HSD17B11: variants seen among roughly 807,000 people sequenced by gnomAD.
HSD17B11 encodes the protein hydroxysteroid 17-beta dehydrogenase 11, also known as estradiol 17-beta-dehydrogenase 11.
HSD17B11 carries 22 observed loss-of-function variants against 27.8 expected under a neutral mutation model. The ratio of observed to expected loss-of-function variants is 0.79; its 90% CI spans 0.56 to 1.13. The LOEUF (loss-of-function observed/expected upper bound fraction) is 1.13, where lower values mean the gene tolerates loss of function less well. HSD17B11 is among the 50% of genes most tolerant of loss of function. The probability of loss-of-function intolerance (pLI) is 0.00; values close to 1 mark genes in which losing one functional copy is unlikely to be tolerated. For synonymous variants in HSD17B11, 117 were observed against 132.8 expected, an observed-to-expected ratio of 0.88 and a Z score of 0.82; for missense variants, 314 against 351.1, an observed-to-expected ratio of 0.89 and a Z score of 0.84.
rs144125961 is a variant in HSD17B11, at chr4:87,353,269, T to C, written c.695+4010A>G. ...AGGGGGATTACTGGGCCAAAGGGTA[T>C]ATAACTTGTAATTTAATTTCTCTAA... is the stretch of plus-strand genomic sequence containing the variant. On this transcript the variant is annotated intron_variant, in intron 5 of 6. Transcript: ENST00000358290. 3.2e-3 allele frequency among the ~76,000 whole-genome samples: 490 copies of C among 152,310 alleles called. 2 individuals carry two copies. Among genetic ancestry groups the C allele is most frequent in the African/African-American group, 0.011 (452 of 41,566 alleles).
intron 4 of HSD17B11, among the ~76,000 whole-genome samples, chr4:87,359,851 C>CT (rs1201493984): frequency 6.6e-6 from 1 of 152,088 alleles, no homozygotes; most frequent in African/African-American, 2.4e-5. Flanking sequence ...ATATTCTAAA[C>CT]TTTATTAACT....
chr4:87,390,963 G>C lies in HSD17B11; in HGVS notation c.108C>G (p.Gly36=), dbSNP rs201364421. 1.4e-5 allele frequency: 23 copies of C among 1,613,880 alleles called. No individual in the cohort carries two copies. Among genetic ancestry groups the C allele is most frequent in the Non-Finnish European group, 1.9e-5 (22 of 1,179,948 alleles). The change falls in exon 1 of 7, where the codon GGC becomes GGG. Residue 36 remains glycine (G), a synonymous_variant. Coordinates refer to ENST00000358290, the MANE Select transcript of HSD17B11 (RefSeq NM_016245.5). The part of the protein sequence containing the change: ...FIPKRRKSVT[G]EIVLITGAGH... ...CAGCTCCTGTAATCAGCACGATTTC[G>C]CCGGTGACTGATTTTCTCCTCTTAG...
intron 2 of HSD17B11, among the ~76,000 whole-genome samples, chr4:87,377,379 G>C (rs947637715): frequency 2.6e-5 from 4 of 152,064 alleles, no homozygotes; most frequent in Non-Finnish European, 5.9e-5. Context: ...GAACCCGGGA[G>C]GCGGAGGTTG....
At position 87,372,779 on chromosome 4, in the gene HSD17B11, T is replaced by C. The variant is rs1168829920; in HGVS notation, c.487A>G (p.Asn163Asp). 7 of 1,613,766 alleles carry C rather than the reference T, an allele frequency of 4.3e-6. No individual in the cohort carries two copies. The highest frequency in any genetic ancestry group is 5.9e-6 in the Non-Finnish European group (7 of 1,179,756). Reference protein sequence around the residue: ...KAFLPAMTKNNHGHIVTVASA... With the variant: ...KAFLPAMTKNDHGHIVTVASA... ...GCCACAGTGACAATATGGCCATGGT[T>C]ATTCTTCGTCATTGCAGGAAGAAAT... The change falls in exon 4 of 7, where the codon AAC becomes GAC. Residue 163 changes from asparagine (N) to aspartate (D), a missense_variant. Physicochemically the swap from Asn to Asp is conservative, Grantham distance 23. Coordinates refer to ENST00000358290, the MANE Select transcript of HSD17B11 (RefSeq NM_016245.5).
intron 2 of HSD17B11, among the ~76,000 whole-genome samples, chr4:87,376,183 C>A (rs542201996): frequency 3.9e-5 from 6 of 152,108 alleles, no homozygotes; most frequent in Admixed American, 1.3e-4. Context: ...CTCTTCTTGA[C>A]CTGCTCAGGT....
rs1341083363 is a variant in HSD17B11, at chr4:87,340,236, C to T, written c.812+254G>A. 1.8e-5 allele frequency: 4 copies of T among 223,732 alleles called. No homozygotes were observed. In the East Asian group the frequency reaches 4.4e-4, roughly 24 times the overall value. The allele number at this position is 223,732 out of a possible 1,614,324, so 13.9% of individuals were successfully genotyped here. A position where few individuals can be genotyped will look rare whatever the true frequency, so the allele number is the denominator to read the frequency against. ...AAAACTATCCTTCTTCAGAGTCATT[C>T]ATTTATAAGACAAGACTTGCAGAAA... On this transcript the variant is annotated intron_variant, in intron 6 of 6. Transcript: ENST00000358290.
intron 4 of HSD17B11, among the ~76,000 whole-genome samples, chr4:87,358,216 C>T (rs1735430014): frequency 6.6e-6 from 1 of 152,042 alleles, no homozygotes; most frequent in Non-Finnish European, 1.5e-5. Context: ...CCACCTCGGC[C>T]TCCCAAAGTG....
intron 1 of HSD17B11, among the ~76,000 whole-genome samples, chr4:87,382,697 A>G (rs1720207558): frequency 6.6e-6 from 1 of 152,230 alleles, no homozygotes; most frequent in African/African-American, 2.4e-5. Context: ...ATGTAACATT[A>G]AACTTTTTTC....
intron 5 of HSD17B11, among the ~76,000 whole-genome samples, chr4:87,345,974 A>T (rs778574120): frequency 5.9e-5 from 9 of 152,252 alleles, no homozygotes; most frequent in African/African-American, 1.7e-4. Flanking sequence ...TACTAAAAAC[A>T]GAGTAAGAGA....
intron 1 of HSD17B11, among the ~76,000 whole-genome samples, chr4:87,388,673 A>T (rs1438038777): frequency 6.6e-6 from 1 of 152,210 alleles, no homozygotes; most frequent in Non-Finnish European, 1.5e-5. Context: ...TAACAATTAT[A>T]CATTTTATTA....
chr4:87,353,401 C>T (rs1735321152), intron 5 of HSD17B11, among the ~76,000 whole-genome samples: 1 of 152,262 alleles, frequency 6.6e-6, no homozygotes, highest in African/African-American at 2.4e-5. Flanking sequence ...GAAATGTAAA[C>T]AGGTATTTAA....
rs187138412 is a variant in HSD17B11 at position 87,356,745 on chromosome 4, T to C, written c.695+534A>G. Among the ~76,000 whole-genome samples, 26 of 152,388 alleles carry C rather than the reference T, an allele frequency of 1.7e-4. No individual in the cohort carries two copies. In the East Asian group the frequency reaches 5.0e-3, roughly 29 times the overall value. Reference sequence around the variant, plus strand: ...TCTTCAAATTAATCCTTTATAATTTTATTTTTTAACCAAGTAAAGAGTATG... The same window carrying C: ...TCTTCAAATTAATCCTTTATAATTTCATTTTTTAACCAAGTAAAGAGTATG... On this transcript the variant is annotated intron_variant, in intron 5 of 6. Transcript: ENST00000358290.
chr4:87,355,443 C>T (rs1735365667), intron 5 of HSD17B11, among the ~76,000 whole-genome samples: 2 of 151,478 alleles, frequency 1.3e-5, no homozygotes, highest in Non-Finnish European at 2.9e-5. Context: ...AACCTAAAGT[C>T]CATGAGAAAA....
chr4:87,391,100 T>G lies in HSD17B11; in HGVS notation c.-30A>C, dbSNP rs1560774398. On this transcript the variant is annotated 5_prime_UTR_variant, in exon 1 of 7. Transcript: ENST00000358290. The stretch of plus-strand genomic sequence containing the variant: ...TTTGTGGCTGCGAGCGTTTGGTGTG[T>G]TTTTTTTTTTTTTTACCACTCTAAA... 2.4e-4 allele frequency: 48 copies of G among 202,962 alleles called. No individual in the cohort carries two copies. Among genetic ancestry groups the G allele is most frequent in the South Asian group, 1.4e-3 (14 of 9,922 alleles). The allele number at this position is 202,962 out of a possible 1,614,324, so 12.6% of individuals were successfully genotyped here. A position where few individuals can be genotyped will look rare whatever the true frequency, so the allele number is the denominator to read the frequency against.
chr4:87,353,146 C>G (rs1271288129), intron 5 of HSD17B11, among the ~76,000 whole-genome samples: 1 of 100,444 alleles, frequency 1.0e-5, no homozygotes, highest in Non-Finnish European at 2.0e-5. Context: ...GCTCCTCCCT[C>G]TAGTATTCTG....
rs1321391390 is a variant in HSD17B11, at chr4:87,378,957, TA to T, written c.318+3297del. Among the ~76,000 whole-genome samples the T allele has an allele frequency of 7.3e-4, 21 of 28,898 alleles. 1 individual carries two copies. Among genetic ancestry groups the T allele is most frequent in the Non-Finnish European group, 1.1e-3 (19 of 17,126 alleles). The allele number at this position is 28,898 out of a possible 152,430, so 19.0% of individuals were successfully genotyped here. A position where few individuals can be genotyped will look rare whatever the true frequency, so the allele number is the denominator to read the frequency against. On this transcript the variant is annotated intron_variant, in intron 2 of 6. Transcript: ENST00000358290. ...ATATATATATATATATTTATATATATATATTTTTTTTTTTTTTTGAGATGGT... is the reference window on the plus strand; with the variant it reads ...ATATATATATATATATTTATATATATTATTTTTTTTTTTTTTTGAGATGGT...
At chr4:87,366,986 T>C (rs1290224020) in intron 4 of HSD17B11, among the ~76,000 whole-genome samples, 5 of 152,194 alleles carry the variant, frequency 3.3e-5, no homozygotes, top group Non-Finnish European at 7.4e-5. Flanking sequence ...AGGAAACTTC[T>C]TTTAAGCTAT....
chr4:87,343,472 C>T (rs929304620), intron 5 of HSD17B11, among the ~76,000 whole-genome samples: 1 of 151,290 alleles, frequency 6.6e-6, no homozygotes, highest in Admixed American at 6.6e-5. Flanking sequence ...GGAGTATTTT[C>T]GTCTGAAGGA....
chr4:87,385,381 T>C (rs551889068), intron 1 of HSD17B11, among the ~76,000 whole-genome samples: 1 of 152,184 alleles, frequency 6.6e-6, no homozygotes, highest in South Asian at 2.1e-4. Flanking sequence ...ATCATATTCA[T>C]AGAGACAGAA....
Sources: gnomAD v4.1 joint callset for allele counts (sites outside exome capture counted in the v4.1 genomes callset) on GRCh38, gnomAD v4.1.1 for gene constraint, MANE v1.5 for transcripts, NCBI Gene and HGNC (gene_info 2026-07-23, HGNC 2026-07-21) for gene names.